The following TENM2 variants were observed in gnomAD, a reference collection of about 807,000 sequenced individuals.
The protein encoded by TENM2 is teneurin-2.
A neutral mutation model predicts 245.2 loss-of-function variants in TENM2; 52 were observed. The ratio of observed to expected loss-of-function variants is 0.21; its 90% CI spans 0.17 to 0.27. The LOEUF (loss-of-function observed/expected upper bound fraction) is 0.27, where lower values mean the gene tolerates loss of function less well. Ranked by LOEUF, TENM2 falls within the 10% of genes least tolerant of loss-of-function variation. TENM2 has a pLI of 1.00. For missense variants in TENM2, 3,046 were observed against 3,666.8 expected (o/e 0.83, Z 4.37); for synonymous variants, 1,363 against 1,438.9 (o/e 0.95, Z 1.19).
rs1783805501 is a variant in TENM2 at position 167,993,254 on chromosome 5, T to A, written c.1186+72T>A. On this transcript the variant is annotated intron_variant, in intron 5 of 28. Coordinates refer to ENST00000518659, the Ensembl canonical transcript of TENM2. ...AGGGGAGAGGCCATGGACTTGTGAA[T>A]CTAGAGGCCCTCTGATGTCTGTACA... is the stretch of plus-strand genomic sequence containing the variant. The A allele has an allele frequency of 4.1e-6, 5 of 1,227,604 alleles. No individual in the cohort carries two copies. In the Admixed American group the frequency reaches 9.1e-5, roughly 22 times the overall value. 76.0% of individuals were successfully genotyped at this position (1,227,604 alleles called of 1,614,324 possible). A position where few individuals can be genotyped will look rare whatever the true frequency, so the allele number is the denominator to read the frequency against.
At chr5:168,010,260 C>T (rs1367949944) in intron 5 of TENM2, among the ~76,000 whole-genome samples, 1 of 152,200 alleles carries the variant, frequency 6.6e-6, no homozygotes. Flanking sequence ...GCTGACAACG[C>T]TCTGAAAGCC....
At chr5:167,934,486 C>T (rs32422) in intron 3 of TENM2, among the ~76,000 whole-genome samples, 37,697 of 152,010 alleles carry the variant, frequency 0.25, 5,720 homozygotes, top group African/African-American at 0.43. Context: ...CCCCATTTGT[C>T]GTCACCTTTA....
intron 2 of TENM2, among the ~76,000 whole-genome samples, chr5:167,751,839 T>C (rs1328652809): frequency 6.6e-6 from 1 of 152,142 alleles, no homozygotes; most frequent in Non-Finnish European, 1.5e-5. Flanking sequence ...CCTTTTAGAC[T>C]GGAGTAAGTG....
At chr5:167,244,821 G>A in the TENM2 span, among the ~76,000 whole-genome samples, 1 of 152,156 alleles carries the variant, frequency 6.6e-6, no homozygotes, top group African/African-American at 2.4e-5. Flanking sequence ...CACCCAGAGT[G>A]CCATCCTGTG....
chr5:168,094,148 A>C (rs34454984), intron 8 of TENM2, among the ~76,000 whole-genome samples: 3 of 152,182 alleles, frequency 2.0e-5, no homozygotes, highest in Non-Finnish European at 2.9e-5. Context: ...AGATAGATGT[A>C]TATAAGAATT....
the TENM2 span, among the ~76,000 whole-genome samples, chr5:167,210,623 C>A: frequency 6.6e-6 from 1 of 151,596 alleles, no homozygotes; most frequent in Non-Finnish European, 1.5e-5. Flanking sequence ...GCCACCGCGC[C>A]CGGCTAATTT....
At chr5:168,227,568 G>A (rs1024785583) in intron 24 of TENM2, among the ~76,000 whole-genome samples, 27 of 149,072 alleles carry the variant, frequency 1.8e-4, no homozygotes, top group Middle Eastern at 7.0e-3. Flanking sequence ...GTTAAGCTTC[G>A]GGAATTTGAT....
chr5:167,891,885 C>G (rs1774790095), intron 3 of TENM2, among the ~76,000 whole-genome samples: 1 of 152,174 alleles, frequency 6.6e-6, no homozygotes, highest in Admixed American at 6.5e-5. Flanking sequence ...TTCCTCACAG[C>G]AGCACAGGCT....
In TENM2 at chr5:167,581,940, G is replaced by A. The variant is rs547702885; in HGVS notation, c.502+206467G>A. ...GAGAGAGAAAAAAAAAAAATCAAGCGTTACAAAGCCATTGGAGCCCACACT... is the reference window on the plus strand; with the variant it reads ...GAGAGAGAAAAAAAAAAAATCAAGCATTACAAAGCCATTGGAGCCCACACT... On this transcript the variant is annotated intron_variant, in intron 2 of 28. Transcript: ENST00000518659. 4.0e-5 allele frequency among the ~76,000 whole-genome samples: 6 copies of A among 151,884 alleles called. No individual in the cohort carries two copies. The South Asian group carries it at 1.0e-3, about 26-fold the overall frequency.
At chr5:167,747,810 G>A (rs1367839410) in intron 2 of TENM2, among the ~76,000 whole-genome samples, 1 of 152,094 alleles carries the variant, frequency 6.6e-6, no homozygotes, top group Non-Finnish European at 1.5e-5. Context: ...ACATTTATTT[G>A]AATAAATAAG....
exon 3 of TENM2, chr5:167,876,064 T>C (rs1290337337): frequency 6.4e-7 from 1 of 1,551,468 alleles, no homozygotes; most frequent in Non-Finnish European, 8.7e-7. Flanking sequence ...CCTCCACCAG[T>C]TAGCTGCCAG....
intron 2 of TENM2, among the ~76,000 whole-genome samples, chr5:167,741,229 C>T (rs1231938717): frequency 2.6e-5 from 4 of 152,176 alleles, no homozygotes; most frequent in African/African-American, 9.7e-5. Context: ...GTAAGCTCCA[C>T]AGACTTTGGC....
At chr5:167,790,261 C>A (rs1352330861) in intron 2 of TENM2, among the ~76,000 whole-genome samples, 1 of 152,132 alleles carries the variant, frequency 6.6e-6, no homozygotes, top group African/African-American at 2.4e-5. Context: ...CAAAAGAAAT[C>A]ACACTGGCTG....
intron 5 of TENM2, among the ~76,000 whole-genome samples, chr5:168,043,167 G>A (rs1581145747): frequency 6.6e-6 from 1 of 152,302 alleles, no homozygotes; most frequent in East Asian, 1.9e-4. Flanking sequence ...ATCTCTTGAG[G>A]AGACCAGCAT....
chr5:168,228,167 G>A (rs763168556), intron 25 of TENM2, 37 bp downstream of exon 27: 1 of 1,521,602 alleles, frequency 6.6e-7, no homozygotes, highest in South Asian at 1.1e-5. Context: ...CACAGAGTGG[G>A]AGGGGATATA....
chr5:167,655,954 T>C (rs1276256134), intron 2 of TENM2, among the ~76,000 whole-genome samples: 1 of 152,154 alleles, frequency 6.6e-6, no homozygotes, highest in African/African-American at 2.4e-5. Context: ...CCTTCTGTCC[T>C]CTCTTGACTC....
At chr5:167,312,001 A>G (rs1702270758) in intron 1 of TENM2, among the ~76,000 whole-genome samples, 1 of 152,192 alleles carries the variant, frequency 6.6e-6, no homozygotes, top group African/African-American at 2.4e-5. Flanking sequence ...TATCCCTTAA[A>G]CCTCAATTTC....
At chr5:167,853,553 ATT>A (rs1770804419) in intron 2 of TENM2, among the ~76,000 whole-genome samples, 2 of 151,912 alleles carry the variant, frequency 1.3e-5, no homozygotes, top group African/African-American at 4.8e-5. Context: ...CTGCAATGTG[ATT>A]TTCTGGCGAT....
the TENM2 span, among the ~76,000 whole-genome samples, chr5:167,241,669 G>A: frequency 6.6e-6 from 1 of 152,188 alleles, no homozygotes; most frequent in Non-Finnish European, 1.5e-5. Context: ...ATGAGATGAG[G>A]ACTGAAGAGC....
Sources: allele counts gnomAD v4.1 joint callset (sites outside exome capture counted in the v4.1 genomes callset), GRCh38; gene constraint gnomAD v4.1.1; transcripts MANE v1.5; gene names NCBI Gene and HGNC (gene_info 2026-07-23, HGNC 2026-07-21).